The following WDFY2 variants were observed in gnomAD, a reference collection of about 807,000 sequenced individuals.
The protein encoded by WDFY2 is WD repeat and FYVE domain-containing protein 2.
WDFY2 carries 36 observed loss-of-function variants against 56.4 expected under a neutral mutation model. The ratio of observed to expected loss-of-function variants is 0.64; its 90% CI spans 0.49 to 0.84. The LOEUF is 0.84. Ranked by LOEUF, WDFY2 falls within the 40% of genes least tolerant of loss-of-function variation. The probability of loss-of-function intolerance (pLI) is 0.00; values close to 1 mark genes in which losing one functional copy is unlikely to be tolerated. For missense variants in WDFY2, 444 were observed against 512.2 expected (o/e 0.87, Z 1.29); for synonymous variants, 176 against 183.7 (o/e 0.96, Z 0.34).
At chr13:51,595,817 C>G (rs1472935920) in intron 1 of WDFY2, among the ~76,000 whole-genome samples, 2 of 151,934 alleles carry the variant, frequency 1.3e-5, no homozygotes, top group Non-Finnish European at 2.9e-5. Context: ...GCTGATGTAC[C>G]CAGTAAATAT....
intron 6 of WDFY2, among the ~76,000 whole-genome samples, chr13:51,730,345 GTGGCCA>G (rs1342476173): frequency 6.6e-6 from 1 of 152,142 alleles, no homozygotes; most frequent in Non-Finnish European, 1.5e-5. Flanking sequence ...ATTTTACATT[GTGGCCA>G]TTCCTTCTGG....
At chr13:51,654,537 C>A (rs1056822640) in intron 1 of WDFY2, among the ~76,000 whole-genome samples, 3 of 152,204 alleles carry the variant, frequency 2.0e-5, no homozygotes, top group African/African-American at 7.2e-5. Context: ...GATCGGCCAT[C>A]TTGGCTCCAC....
At chr13:51,619,186 C>T (rs1954679794) in intron 1 of WDFY2, among the ~76,000 whole-genome samples, 1 of 152,244 alleles carries the variant, frequency 6.6e-6, no homozygotes, top group African/African-American at 2.4e-5. Context: ...CATGTGGTGG[C>T]TCACGCCTGT....
intron 5 of WDFY2, 111 bp from the exon 6 acceptor site, chr13:51,727,567 C>T (rs779714856): frequency 1.0e-6 from 1 of 967,520 alleles, no homozygotes; most frequent in Non-Finnish European, 1.6e-6. Flanking sequence ...ACTGTCTTCA[C>T]ATTTTCCTCA....
chr13:51,721,026 GTTAA>G (rs1952477822), intron 5 of WDFY2, among the ~76,000 whole-genome samples: 1 of 151,828 alleles, frequency 6.6e-6, no homozygotes, highest in African/African-American at 2.4e-5. Flanking sequence ...TGATGGATGT[GTTAA>G]TTAATTTGAC....
rs1953786739 is a variant in WDFY2, at chr13:51,767,505, A to G, written c.*7736A>G. ...GGGGATGAGTTACGTTTATTCCACC[A>G]TGGACACCAAGAATGTATGTAGATG... is the stretch of plus-strand genomic sequence containing the variant. On this transcript the variant is annotated 3_prime_UTR_variant, in exon 12 of 12. Transcript: ENST00000298125. The G allele has an allele frequency of 6.6e-6, 1 of 152,218 alleles. No individual in the cohort carries two copies. Among genetic ancestry groups the G allele is most frequent in the African/African-American group, 2.4e-5 (1 of 41,424 alleles). 9.4% of individuals were successfully genotyped at this position (152,218 alleles called of 1,614,324 possible).
At position 51,660,679 on chromosome 13, in the gene WDFY2, G is replaced by A. The variant is rs771956579; in HGVS notation, c.205+16G>A. On this transcript the variant is annotated intron_variant, in intron 2 of 11. Coordinates refer to ENST00000298125, the MANE Select transcript of WDFY2 (RefSeq NM_052950.4). ...GCAATGCCTTGTAAGTATCCAAATC[G>A]CTGTCTTGAAAAACCAGACATGTCC... 5.0e-6 allele frequency: 8 copies of A among 1,611,246 alleles called. No individual in the cohort carries two copies. The highest frequency in any genetic ancestry group is 2.2e-5 in the East Asian group (1 of 44,768).
intron 1 of WDFY2, chr13:51,589,470 C>G (rs1235637918): frequency 6.6e-6 from 1 of 152,096 alleles, no homozygotes. Flanking sequence ...TATGAATCCT[C>G]ATAGTATTGG....
At chr13:51,590,332 T>C (rs1432510570) in intron 1 of WDFY2, 1 of 152,232 alleles carries the variant, frequency 6.6e-6, no homozygotes, top group Admixed American at 6.5e-5. Context: ...GAATAAACTT[T>C]AGAGAGATGG....
rs766600230 is a variant in WDFY2, at chr13:51,739,052, G to C, written c.602G>C (p.Gly201Ala). The change falls in exon 7 of 12, where the codon GGG becomes GCG. Residue 201 changes from glycine to alanine, a missense_variant. Coordinates refer to ENST00000298125, the MANE Select transcript of WDFY2 (RefSeq NM_052950.4). Reference protein sequence around the residue: ...LVTTFRGHTGGVTALCWDPVQ... With the variant: ...LVTTFRGHTGAVTALCWDPVQ... Reference sequence around the variant, plus strand: ...CTGGTTGTGTCTGTCCTCTCAGGTGGGGTGACCGCTCTCTGTTGGGACCCA... The same window carrying C: ...CTGGTTGTGTCTGTCCTCTCAGGTGCGGTGACCGCTCTCTGTTGGGACCCA... The C allele has an allele frequency of 6.3e-7, 1 of 1,581,748 alleles. No homozygotes were observed. Among genetic ancestry groups the C allele is most frequent in the Admixed American group, 1.8e-5 (1 of 55,718 alleles).
chr13:51,591,354 T>C (rs978015852), intron 1 of WDFY2: 1 of 152,202 alleles, frequency 6.6e-6, no homozygotes, highest in East Asian at 1.9e-4. Flanking sequence ...AGTATTTGTT[T>C]TGTGTTAGTG....
At chr13:51,670,200 G>A (rs1477729843) in intron 2 of WDFY2, among the ~76,000 whole-genome samples, 2 of 152,056 alleles carry the variant, frequency 1.3e-5, no homozygotes, top group Non-Finnish European at 2.9e-5. Flanking sequence ...TGTCTTGCAT[G>A]GGTGGGAGCC....
chr13:51,692,655 C>G (rs1006149683), intron 3 of WDFY2, among the ~76,000 whole-genome samples: 1 of 152,066 alleles, frequency 6.6e-6, no homozygotes, highest in African/African-American at 2.4e-5. Flanking sequence ...CTAAAATTCT[C>G]TTTTTTGGTT....
intron 6 of WDFY2, among the ~76,000 whole-genome samples, chr13:51,736,636 G>T (rs1392063838): frequency 6.6e-6 from 1 of 152,200 alleles, no homozygotes; most frequent in East Asian, 1.9e-4. Flanking sequence ...GGAACTACAG[G>T]TGCGCGCCAC....
chr13:51,719,167 A>G (rs1186427216), intron 4 of WDFY2, 31 bp from the exon 5 acceptor site: 3 of 1,613,928 alleles, frequency 1.9e-6, no homozygotes, highest in Non-Finnish European at 1.7e-6. Context: ...AGGATGCTTT[A>G]TAGGTTGTTT....
chr13:51,618,965 C>G (rs758053025), intron 1 of WDFY2, among the ~76,000 whole-genome samples: 20 of 152,204 alleles, frequency 1.3e-4, no homozygotes, highest in Non-Finnish European at 2.5e-4. Flanking sequence ...TTTGCTAAGG[C>G]TAGGGAAGTG....
intron 1 of WDFY2, among the ~76,000 whole-genome samples, chr13:51,633,551 G>A (rs979528179): frequency 6.6e-6 from 1 of 152,156 alleles, no homozygotes; most frequent in Non-Finnish European, 1.5e-5. Context: ...TGGCCTCTCC[G>A]CTCACTCTGC....
intron 1 of WDFY2, among the ~76,000 whole-genome samples, chr13:51,611,260 T>A (rs1190924690): frequency 6.6e-6 from 1 of 152,234 alleles, no homozygotes; most frequent in Non-Finnish European, 1.5e-5. Flanking sequence ...CTGTAAAACC[T>A]ATTGCTGTTG....
intron 2 of WDFY2, among the ~76,000 whole-genome samples, chr13:51,668,626 T>G (rs944731153): frequency 1.3e-5 from 2 of 152,224 alleles, no homozygotes; most frequent in Admixed American, 6.5e-5. Flanking sequence ...CGGGCTGTAT[T>G]GCTCATTGGA....
Sources: gnomAD v4.1 joint callset for allele counts (sites outside exome capture counted in the v4.1 genomes callset) on GRCh38, gnomAD v4.1.1 for gene constraint, MANE v1.5 for transcripts, NCBI Gene and HGNC (gene_info 2026-07-23, HGNC 2026-07-21) for gene names.